Variants in PRKCH observed in about 807,000 individuals in gnomAD.
PRKCH encodes protein kinase C eta, also known as protein kinase C eta type.
PRKCH carries 28 observed loss-of-function variants against 82.5 expected under a neutral mutation model. That is an observed-to-expected ratio of 0.34 (90% CI 0.25 to 0.47). The LOEUF is 0.47. PRKCH is among the 20% of genes least tolerant of loss of function. PRKCH has a pLI of 1.00. For synonymous variants in PRKCH, 322 were observed against 327.4 expected (o/e 0.98, Z 0.18); for missense variants, 705 against 881.8 (o/e 0.80, Z 2.54).
chr14:61,343,543 A>AG, intron 1 of PRKCH, among the ~76,000 whole-genome samples: 1 of 152,300 alleles, frequency 6.6e-6, no homozygotes, highest in East Asian at 1.9e-4. Flanking sequence ...TAGAGAATGC[A>AG]GGGCACGATG....
At chr14:61,426,982 A>C (rs1883139426) in intron 2 of PRKCH, among the ~76,000 whole-genome samples, 1 of 152,240 alleles carries the variant, frequency 6.6e-6, no homozygotes, top group South Asian at 2.1e-4. Context: ...ATTCTGAGCC[A>C]AATATGAGTG....
At chr14:61,250,566 C>T (rs2140072751) in intron 1 of PRKCH, among the ~76,000 whole-genome samples, 1 of 152,108 alleles carries the variant, frequency 6.6e-6, no homozygotes, top group Non-Finnish European at 1.5e-5. Context: ...ATAAAAAGAT[C>T]AGTGGTTGCC....
chr14:61,514,638 C>T (rs10483738), intron 10 of PRKCH, among the ~76,000 whole-genome samples: 6,412 of 152,220 alleles, frequency 0.042, 465 homozygotes, highest in African/African-American at 0.15. Flanking sequence ...TTCCTCACTG[C>T]GGTCTCCTGG....
intron 2 of PRKCH, among the ~76,000 whole-genome samples, chr14:61,403,171 GTTA>G: frequency 6.6e-6 from 1 of 152,168 alleles, no homozygotes; most frequent in East Asian, 1.9e-4. Flanking sequence ...TAATGGAATT[GTTA>G]TTGTTTTTAA....
At position 61,547,567 on chromosome 14, in the gene PRKCH, G is replaced by A. The variant is rs201495317; in HGVS notation, c.1762-176G>A. On this transcript the variant is annotated intron_variant, in intron 12 of 13. Coordinates refer to ENST00000332981, the MANE Select transcript of PRKCH (RefSeq NM_006255.5). ...GCCATAAATCCACACAGGCAATCGC[G>A]CCTTTAAGGCATGATTCATACTGAC... 9.8e-5 allele frequency among the ~76,000 whole-genome samples: 15 copies of A among 152,310 alleles called. No homozygotes were observed. The East Asian group carries it at 1.3e-3, about 14-fold the overall frequency.
At chr14:61,548,812 G>A (rs191755379) in intron 13 of PRKCH, among the ~76,000 whole-genome samples, 147 of 147,130 alleles carry the variant, frequency 1.0e-3, no homozygotes, top group African/African-American at 3.4e-3. Flanking sequence ...GCAGTGAGCC[G>A]AGATTGCGTC....
chr14:61,317,073 A>G (rs1411789894), upstream of PRKCH, among the ~76,000 whole-genome samples: 1 of 152,212 alleles, frequency 6.6e-6, no homozygotes, highest in East Asian at 1.9e-4. Flanking sequence ...TGTGACTTCA[A>G]TCAGGCAATT....
intron 7 of PRKCH, among the ~76,000 whole-genome samples, chr14:61,455,585 T>C (rs1884728961): frequency 6.6e-6 from 1 of 152,212 alleles, no homozygotes; most frequent in African/African-American, 2.4e-5. Context: ...CAGTTATCCC[T>C]GAAGAGCAGA....
chr14:61,234,474 G>A (rs1249831155), intron 1 of PRKCH, among the ~76,000 whole-genome samples: 1 of 152,102 alleles, frequency 6.6e-6, no homozygotes, highest in East Asian at 1.9e-4. Context: ...AAACTCTAGG[G>A]GGGACAATCC....
rs1159645737 is a variant in PRKCH at position 61,457,165 on chromosome 14, T to G, written c.961-11T>G. ...TGCAATTTCTGACTTAATGTGTTCT[T>G]ACTCTTTCAGAAACTCGTTTCCAGA... On this transcript the variant is annotated splice_polypyrimidine_tract_variant and intron_variant, in intron 7 of 13. Transcript: ENST00000332981. 6.2e-7 allele frequency: 1 copy of G among 1,613,564 alleles called. No individual in the cohort carries two copies. The highest frequency in any genetic ancestry group is 8.5e-7 in the Non-Finnish European group (1 of 1,179,720).
At chr14:61,493,525 C>A (rs77272342) in intron 10 of PRKCH, among the ~76,000 whole-genome samples, 2,464 of 152,252 alleles carry the variant, frequency 0.016, 32 homozygotes, top group Non-Finnish European at 0.026. Flanking sequence ...TACAGTATTA[C>A]AAGTGGCCAT....
chr14:61,374,319 G>A (rs1434762907), intron 1 of PRKCH, among the ~76,000 whole-genome samples: 1 of 152,158 alleles, frequency 6.6e-6, no homozygotes, highest in Non-Finnish European at 1.5e-5. Flanking sequence ...GGTGCAAGAT[G>A]CAAGCTGTCA....
intron 1 of PRKCH, among the ~76,000 whole-genome samples, chr14:61,380,745 A>G (rs868724502): frequency 1.2e-4 from 18 of 152,242 alleles, no homozygotes; most frequent in African/African-American, 4.3e-4. Context: ...AGACACACAC[A>G]TAACACTAGA....
chr14:61,525,264 T>C, intron 10 of PRKCH: 1 of 152,372 alleles, frequency 6.6e-6, no homozygotes, highest in Non-Finnish European at 1.5e-5. Flanking sequence ...ACTGGTAGCC[T>C]GGAATTACAT....
At chr14:61,314,233 C>A (rs12586485) in intron 1 of PRKCH, among the ~76,000 whole-genome samples, 77,565 of 151,850 alleles carry the variant, frequency 0.51, 23,784 homozygotes, top group Non-Finnish European at 0.67. Context: ...TATGAATCTA[C>A]AAAACTATAA....
Position 61,280,886 on chromosome 14 carries a change from G to T in PRKCH, c.-19+93218G>T. On this transcript the variant is annotated intron_variant, in intron 1 of 3. Transcript: ENST00000555185. The surrounding 1 kb of genome is among the most constrained non-coding windows in gnomAD (Gnocchi z 5.0). Reference sequence around the variant, plus strand: ...CAGGCGCACGAGCAGGGGGGCGGCAGCGCCCGGCCCTGGCCAGCCGCGGCG... The same window carrying T: ...CAGGCGCACGAGCAGGGGGGCGGCATCGCCCGGCCCTGGCCAGCCGCGGCG... 6.4e-7 allele frequency: 1 copy of T among 1,556,074 alleles called. No homozygotes were observed. The highest frequency in any genetic ancestry group is 8.6e-7 in the Non-Finnish European group (1 of 1,158,028).
At chr14:61,473,648 G>T (rs989360879) in intron 9 of PRKCH, among the ~76,000 whole-genome samples, 1 of 152,168 alleles carries the variant, frequency 6.6e-6, no homozygotes, top group South Asian at 2.1e-4. Flanking sequence ...CTTGAGATGG[G>T]AGATCAGTTT....
chr14:61,337,587 AT>A (rs1367676537), intron 1 of PRKCH, among the ~76,000 whole-genome samples: 2 of 152,120 alleles, frequency 1.3e-5, no homozygotes, highest in African/African-American at 4.8e-5. Flanking sequence ...TGGTTGGCTA[AT>A]TAGAAAACCT....
At chr14:61,511,560 C>T (rs1091679) in intron 10 of PRKCH, among the ~76,000 whole-genome samples, 98,142 of 152,170 alleles carry the variant, frequency 0.64, 37,405 homozygotes, top group Middle Eastern at 0.84. Context: ...AAAAGGCATC[C>T]CCAGAGCTAT....
Sources: allele counts gnomAD v4.1 joint callset (sites outside exome capture counted in the v4.1 genomes callset), GRCh38; gene constraint gnomAD v4.1.1; non-coding constraint Gnocchi (gnomAD v3.1); transcripts MANE v1.5; gene names NCBI Gene and HGNC (gene_info 2026-07-23, HGNC 2026-07-21).